SLC24A2: variants seen among roughly 807,000 people sequenced by gnomAD.
The protein encoded by SLC24A2 is solute carrier family 24 member 2.
A neutral mutation model predicts 62.0 loss-of-function variants in SLC24A2; 36 were observed. The observed-to-expected ratio is 0.58, with a 90% CI of 0.44 to 0.77. The LOEUF is 0.77. SLC24A2 is among the 30% of genes least tolerant of loss of function. SLC24A2 has a pLI of 0.00. For missense variants in SLC24A2, 846 were observed against 817.9 expected (o/e 1.03, Z -0.42); for synonymous variants, 358 against 294.0 (o/e 1.22, Z -2.23).
At chr9:20,010,640 AG>A in the SLC24A2 span, among the ~76,000 whole-genome samples, 1 of 152,116 alleles carries the variant, frequency 6.6e-6, no homozygotes, top group Non-Finnish European at 1.5e-5. Context: ...TTTAAGTTCT[AG>A]GGTACATGTG....
At chr9:20,120,685 C>A in the SLC24A2 span, among the ~76,000 whole-genome samples, 16,524 of 151,962 alleles carry the variant, frequency 0.11, 932 homozygotes, top group Middle Eastern at 0.17. Flanking sequence ...CATATCTACC[C>A]TCTGAACCTA....
the SLC24A2 span, among the ~76,000 whole-genome samples, chr9:20,276,170 T>C: frequency 1.3e-5 from 2 of 152,182 alleles, no homozygotes; most frequent in African/African-American, 2.4e-5. Context: ...CAAAGTCTCA[T>C]ATGAGACAAG....
the SLC24A2 span, among the ~76,000 whole-genome samples, chr9:20,083,290 T>C: frequency 1.3e-5 from 2 of 152,218 alleles, no homozygotes; most frequent in Non-Finnish European, 2.9e-5. Flanking sequence ...TGCCTGCATC[T>C]CCAGTTCCAC....
chr9:19,590,357 T>A (rs558236189), intron 5 of SLC24A2, among the ~76,000 whole-genome samples: 1 of 152,144 alleles, frequency 6.6e-6, no homozygotes, highest in African/African-American at 2.4e-5. Flanking sequence ...CTTTTTTTTC[T>A]GAAAATTCTC....
the SLC24A2 span, among the ~76,000 whole-genome samples, chr9:20,144,505 G>T: frequency 6.6e-6 from 1 of 152,038 alleles, no homozygotes; most frequent in Non-Finnish European, 1.5e-5. Context: ...AAAGCCTCTC[G>T]GCACCCATTT....
chr9:19,898,528 G>A, the SLC24A2 span, among the ~76,000 whole-genome samples: 12 of 152,200 alleles, frequency 7.9e-5, no homozygotes, highest in African/African-American at 2.6e-4. Flanking sequence ...GGATCACGAG[G>A]TCAGGAGATT....
At chr9:19,680,027 T>C (rs1383247795) in intron 2 of SLC24A2, among the ~76,000 whole-genome samples, 2 of 152,288 alleles carry the variant, frequency 1.3e-5, no homozygotes, top group Non-Finnish European at 2.9e-5. Context: ...TTAGCTATTA[T>C]GGGCTCTTCC....
the SLC24A2 span, among the ~76,000 whole-genome samples, chr9:19,962,277 T>C: frequency 6.6e-6 from 1 of 152,222 alleles, no homozygotes; most frequent in Non-Finnish European, 1.5e-5. Flanking sequence ...CCTTGTAGTA[T>C]AGTTTGAAGT....
At chr9:19,997,884 T>C in the SLC24A2 span, among the ~76,000 whole-genome samples, 1 of 152,164 alleles carries the variant, frequency 6.6e-6, no homozygotes, top group Non-Finnish European at 1.5e-5. Context: ...TGAATCAGAT[T>C]TGAATCAGAA....
the SLC24A2 span, among the ~76,000 whole-genome samples, chr9:19,856,536 C>T: frequency 6.6e-6 from 1 of 152,014 alleles, no homozygotes; most frequent in Non-Finnish European, 1.5e-5. Flanking sequence ...ACAGGTAAGA[C>T]CCTCTTCCAT....
At chr9:20,121,390 T>A in the SLC24A2 span, among the ~76,000 whole-genome samples, 1 of 152,082 alleles carries the variant, frequency 6.6e-6, no homozygotes, top group African/African-American at 2.4e-5. Flanking sequence ...AAATACCACC[T>A]TGCAAATATT....
At chr9:19,810,287 G>C in the SLC24A2 span, among the ~76,000 whole-genome samples, 1 of 152,144 alleles carries the variant, frequency 6.6e-6, no homozygotes, top group African/African-American at 2.4e-5. Flanking sequence ...CACAGCAGAG[G>C]GTCCTCAGTG....
the SLC24A2 span, among the ~76,000 whole-genome samples, chr9:19,829,518 A>C: frequency 1.3e-5 from 2 of 151,780 alleles, no homozygotes; most frequent in African/African-American, 4.8e-5. Flanking sequence ...AATTTTTCCC[A>C]CCTTACCGCA....
At chr9:19,710,247 A>G (rs1407550807) in intron 2 of SLC24A2, among the ~76,000 whole-genome samples, 1 of 152,178 alleles carries the variant, frequency 6.6e-6, no homozygotes, top group Non-Finnish European at 1.5e-5. Flanking sequence ...CCCTATGGGT[A>G]GAGGATGCAA....
the SLC24A2 span, among the ~76,000 whole-genome samples, chr9:19,918,480 C>A: frequency 1.3e-5 from 2 of 152,048 alleles, no homozygotes; most frequent in Non-Finnish European, 2.9e-5. Context: ...GCAGGTTCCC[C>A]CTCTTGCTCC....
chr9:20,267,088 C>A, the SLC24A2 span, among the ~76,000 whole-genome samples: 4 of 148,052 alleles, frequency 2.7e-5, no homozygotes, highest in African/African-American at 1.0e-4. Flanking sequence ...TTTGGTTTAA[C>A]TGACAAAACA....
At chr9:19,955,197 A>C in the SLC24A2 span, among the ~76,000 whole-genome samples, 7 of 152,140 alleles carry the variant, frequency 4.6e-5, no homozygotes, top group African/African-American at 1.7e-4. Flanking sequence ...ACATAACATA[A>C]TGATGTATCT....
chr9:19,703,511 G>C (rs917071474), intron 2 of SLC24A2, among the ~76,000 whole-genome samples: 3 of 152,148 alleles, frequency 2.0e-5, no homozygotes, highest in Non-Finnish European at 4.4e-5. Context: ...AGAGAAAGTA[G>C]GAAAGTATGT....
At chr9:20,213,328 A>G in the SLC24A2 span, among the ~76,000 whole-genome samples, 2 of 151,866 alleles carry the variant, frequency 1.3e-5, no homozygotes, top group Non-Finnish European at 2.9e-5. Flanking sequence ...ATGAAGTCAA[A>G]TTACATCAGA....
Sources: gnomAD v4.1 joint callset for allele counts (sites outside exome capture counted in the v4.1 genomes callset) on GRCh38, gnomAD v4.1.1 for gene constraint, MANE v1.5 for transcripts, NCBI Gene and HGNC (gene_info 2026-07-23, HGNC 2026-07-21) for gene names.